Variants in ZNF235 observed in about 807,000 individuals in gnomAD.
ZNF235 encodes the protein zfp-93.
ZNF235 carries 25 observed loss-of-function variants against 29.4 expected under a neutral mutation model. The observed-to-expected ratio is 0.85, with a 90% CI of 0.62 to 1.19. The LOEUF is 1.19. Ranked by LOEUF, ZNF235 falls within the 50% of genes most tolerant of loss-of-function variation. The probability of loss-of-function intolerance (pLI) is 0.00; values close to 1 mark genes in which losing one functional copy is unlikely to be tolerated. For missense variants in ZNF235, 788 were observed against 885.0 expected (o/e 0.89, Z 1.39); for synonymous variants, 300 against 295.3 (o/e 1.02, Z -0.16).
rs1266121782 is a variant in ZNF235, at chr19:44,289,101, T to C, written c.334A>G (p.Ile112Val). ...TGACTTCTGGCTAATTTGCTCGCAA[T>C]GTGTCTCTTGATTTGCCAGCATGAA... ...ELSCWQIKRH[I>V]ASKLARSQDS... The change falls in exon 5 of 5, where the codon ATT becomes GTT. Residue 112 changes from isoleucine (I) to valine (V), a missense_variant. Physicochemically the swap from Ile to Val is conservative, Grantham distance 29. Transcript: ENST00000291182. 6.2e-7 allele frequency: 1 copy of C among 1,614,056 alleles called. No individual in the cohort carries two copies. The highest frequency in any genetic ancestry group is 8.5e-7 in the Non-Finnish European group (1 of 1,180,014).
chr19:44,288,921 G>C lies in ZNF235; in HGVS notation c.514C>G (p.Gln172Glu). Residue 172 changes from glutamine (Q) to glutamate (E), a missense_variant, in exon 5 of 5, where the codon CAA becomes GAA. Transcript: ENST00000291182. ...GGAACTTTCCCAGTTGGAAATTCTT[G>C]ATTTTCAATGATACTGGAATGATCC... ...IGDHSSIIEN[Q>E]EFPTGKVPNS... is the part of the protein sequence containing the mutation. The C allele has an allele frequency of 6.2e-7, 1 of 1,613,982 alleles. No individual in the cohort carries two copies. The highest frequency in any genetic ancestry group is 8.5e-7 in the Non-Finnish European group (1 of 1,179,968).
In ZNF235 at chr19:44,288,384, C is replaced by T. The variant is rs746482159; in HGVS notation, c.1051G>A (p.Glu351Lys). The T allele has an allele frequency of 9.3e-6, 15 of 1,613,948 alleles. No homozygotes were observed. In the South Asian group the frequency reaches 9.9e-5, roughly 11 times the overall value. ...HTGEKPYTCH[E>K]CGKSFNQSSH... is the part of the protein sequence containing the mutation. ...CTCTGATTAAAGCTCTTACCACACT[C>T]GTGGCATGTATAGGGTTTCTCCCCT... Residue 351 changes from glutamate to lysine, a missense_variant, in exon 5 of 5, where the codon GAG (glutamate) becomes AAG (lysine). Glu to Lys is a moderately conservative substitution (Grantham distance 56). Coordinates refer to ENST00000291182, the MANE Select transcript of ZNF235 (RefSeq NM_004234.4).
In ZNF235 at chr19:44,303,454, T is replaced by G. The variant is rs111263920; in HGVS notation, c.-48-2A>C. Reference sequence around the variant, plus strand: ...AGGCAGAGTTCCGGGGAAGTGAACCTGAGGGAGGGAAAGGCATCATGAGAT... The same window carrying G: ...AGGCAGAGTTCCGGGGAAGTGAACCGGAGGGAGGGAAAGGCATCATGAGAT... On this transcript the variant is annotated splice_acceptor_variant, in intron 1 of 4. Coordinates refer to ENST00000291182, the MANE Select transcript of ZNF235 (RefSeq NM_004234.4). LOFTEE classifies it low-confidence loss of function (5UTR_SPLICE). 1.2e-5 allele frequency: 20 copies of G among 1,600,662 alleles called. 1 individual carries two copies. The African/African-American group carries it at 1.5e-4, about 12-fold the overall frequency.
At chr19:44,302,751 T>G (rs1051683396) in intron 2 of ZNF235, among the ~76,000 whole-genome samples, 1 of 113,924 alleles carries the variant, frequency 8.8e-6, no homozygotes, top group Non-Finnish European at 1.8e-5. Context: ...TAAATATATA[T>G]AGAGATTTAT....
At chr19:44,303,671 T>C (rs569940780) in intron 1 of ZNF235, among the ~76,000 whole-genome samples, 1 of 152,294 alleles carries the variant, frequency 6.6e-6, no homozygotes, top group Admixed American at 6.5e-5. Flanking sequence ...CTAAATCAAA[T>C]ACAGCTCTCT....
At chr19:44,301,585 C>G (rs1408081304) in intron 2 of ZNF235, among the ~76,000 whole-genome samples, 1 of 152,110 alleles carries the variant, frequency 6.6e-6, no homozygotes, top group South Asian at 2.1e-4. Context: ...ATTTTCCTGC[C>G]TCATCTACAT....
In ZNF235 at chr19:44,288,268, A is replaced by T. The variant is rs1177499803; in HGVS notation, c.1167T>A (p.Asp389Glu). Residue 389 changes from aspartate (D) to glutamate (E), a missense_variant, in exon 5 of 5, where the codon GAT becomes GAA. Coordinates refer to ENST00000291182, the MANE Select transcript of ZNF235 (RefSeq NM_004234.4). ...SCGKGFSRSTDLNIHCRVHTG... is the reference protein window; with the variant it reads ...SCGKGFSRSTELNIHCRVHTG... ...TGTGAACTCTGCAATGAATGTTAAG[A>T]TCTGTGCTACGACTGAAGCCCTTCC... 1.2e-6 allele frequency: 2 copies of T among 1,613,988 alleles called. No homozygotes were observed.
At position 44,299,660 on chromosome 19, in the gene ZNF235, T is replaced by G. The variant is rs1332136353; in HGVS notation, c.88A>C (p.Arg30=). 6.2e-7 allele frequency: 1 copy of G among 1,614,146 alleles called. No individual in the cohort carries two copies. The highest frequency in any genetic ancestry group is 2.2e-5 in the East Asian group (1 of 44,878). The change falls in exon 3 of 5, where the codon AGG becomes CGG. Residue 30 remains arginine, a synonymous_variant. Transcript: ENST00000291182. ...EELGLLDSAQ[R]KLYRDVMLEN... ...AGCATCACATCTCGGTACAGCTTCC[T>G]CTGGGCAGAGTCCAGCAGCCCCAGC...
chr19:44,293,414 G>A (rs1299362058), intron 4 of ZNF235, among the ~76,000 whole-genome samples: 3 of 151,260 alleles, frequency 2.0e-5, no homozygotes, highest in African/African-American at 7.3e-5. Flanking sequence ...AAACATCAGG[G>A]CACCCAAATT....
rs536226217 is a variant in ZNF235, at chr19:44,288,675, G to A, written c.760C>T (p.Arg254Cys). 2.3e-5 allele frequency: 37 copies of A among 1,614,052 alleles called. No individual in the cohort carries two copies. In the South Asian group the frequency reaches 3.2e-4, roughly 14 times the overall value. ...DTLKVSPLTQRSIHTGQKTYQ... is the reference protein window; with the variant it reads ...DTLKVSPLTQCSIHTGQKTYQ... ...GTTTTCTGTCCTGTGTGAATACTAC[G>A]CTGGGTAAGAGGTGATACCTTTAGG... is the stretch of plus-strand genomic sequence containing the variant. Residue 254 changes from arginine (R) to cysteine (C), a missense_variant, in exon 5 of 5, where the codon CGT (arginine) becomes TGT (cysteine). Coordinates refer to ENST00000291182, the MANE Select transcript of ZNF235 (RefSeq NM_004234.4).
In ZNF235 at chr19:44,288,702, T is replaced by C; in HGVS notation, c.733A>G (p.Thr245Ala). ...TGGGTAAGAGGTGATACCTTTAGGG[T>C]ATCTTTACCACAATCACTATTGCTA... Reference protein sequence around the residue: ...VHSNSDCGKDTLKVSPLTQRS... With the variant: ...VHSNSDCGKDALKVSPLTQRS... Residue 245 changes from threonine (T) to alanine (A), a missense_variant, in exon 5 of 5, where the codon ACC (threonine) becomes GCC (alanine). Coordinates refer to ENST00000291182, the MANE Select transcript of ZNF235 (RefSeq NM_004234.4). 6.2e-7 allele frequency: 1 copy of C among 1,614,126 alleles called. No individual in the cohort carries two copies. Among genetic ancestry groups the C allele is most frequent in the African/African-American group, 1.3e-5 (1 of 75,046 alleles).
chr19:44,298,688 G>T (rs955275723), intron 4 of ZNF235, 120 bp downstream of exon 4: 9 of 732,374 alleles, frequency 1.2e-5, no homozygotes, highest in Non-Finnish European at 2.0e-5. Context: ...GAGCCATCGC[G>T]CCCAACCATG....
intron 2 of ZNF235, among the ~76,000 whole-genome samples, chr19:44,303,101 C>T (rs901755425): frequency 1.0e-4 from 7 of 66,748 alleles, no homozygotes; most frequent in East Asian, 4.9e-4. Flanking sequence ...TACAAATATA[C>T]GTATATTTCT....
At position 44,287,075 on chromosome 19, in the gene ZNF235, C is replaced by T. The variant is rs1339941782; in HGVS notation, c.*143G>A. 17 of 828,310 alleles carry T rather than the reference C, an allele frequency of 2.1e-5. No individual in the cohort carries two copies. Among genetic ancestry groups the T allele is most frequent in the Non-Finnish European group, 3.1e-5 (17 of 554,814 alleles). The allele number at this position is 828,310 out of a possible 1,614,324, so 51.3% of individuals were successfully genotyped here. A position where few individuals can be genotyped will look rare whatever the true frequency, so the allele number is the denominator to read the frequency against. ...ATTCATGTCCTAACCAAGTCTAAAACACAGCATTTGAGAGACTTCTTTCCT... is the reference window on the plus strand; with the variant it reads ...ATTCATGTCCTAACCAAGTCTAAAATACAGCATTTGAGAGACTTCTTTCCT... On this transcript the variant is annotated 3_prime_UTR_variant, in exon 5 of 5. Transcript: ENST00000291182.
intron 2 of ZNF235, among the ~76,000 whole-genome samples, chr19:44,300,963 A>G (rs1295507229): frequency 1.3e-5 from 2 of 152,016 alleles, no homozygotes; most frequent in African/African-American, 4.8e-5. Flanking sequence ...GTAAGAGATT[A>G]TAAGTATTCC....
Position 44,287,659 on chromosome 19 carries a change from G to C in ZNF235, c.1776C>G (p.Val592=). 6.2e-7 allele frequency: 1 copy of C among 1,613,654 alleles called. No individual in the cohort carries two copies. Among genetic ancestry groups the C allele is most frequent in the Middle Eastern group, 1.7e-4 (1 of 6,058 alleles). The part of the protein sequence containing the change: ...QASNLQAHQS[V]HTGEKPFKCD... ...ACTTGAATGGTTTTTCCCCAGTGTG[G>C]ACGCTCTGATGGGCTTGAAGATTTG... The change falls in exon 5 of 5, where the codon GTC becomes GTG. Residue 592 remains valine (V), a synonymous_variant. Coordinates refer to ENST00000291182, the MANE Select transcript of ZNF235 (RefSeq NM_004234.4).
chr19:44,304,010 T>C (rs1975793935), intron 1 of ZNF235, among the ~76,000 whole-genome samples: 1 of 152,230 alleles, frequency 6.6e-6, no homozygotes, highest in Non-Finnish European at 1.5e-5. Flanking sequence ...TGCTCTGTCC[T>C]GTGAGTTACC....
intron 4 of ZNF235, among the ~76,000 whole-genome samples, chr19:44,297,690 C>G (rs146423278): frequency 4.6e-5 from 7 of 151,904 alleles, no homozygotes; most frequent in Non-Finnish European, 1.0e-4. Flanking sequence ...CTCGAACTCC[C>G]GACCTCAGGT....
In ZNF235 at chr19:44,287,296, A is replaced by G. The variant is rs1364559880; in HGVS notation, c.2139T>C (p.Cys713=). The G allele has an allele frequency of 6.2e-7, 1 of 1,613,186 alleles. No individual in the cohort carries two copies. Residue 713 remains cysteine, a synonymous_variant, in exon 5 of 5, where the codon TGT becomes TGC. Coordinates refer to ENST00000291182, the MANE Select transcript of ZNF235 (RefSeq NM_004234.4). The part of the protein sequence containing the change: ...RVHTGERPYI[C]DVCCKGFSQR... ...GACTGAAGCCCTTACAACAGACATC[A>G]CATATGTAAGGCCTCTCTCCAGTGT...
Sources: allele counts gnomAD v4.1 joint callset (sites outside exome capture counted in the v4.1 genomes callset), GRCh38; gene constraint gnomAD v4.1.1; transcripts MANE v1.5; gene names NCBI Gene and HGNC (gene_info 2026-07-23, HGNC 2026-07-21).